The following CNTNAP4 variants were observed in gnomAD, a reference collection of about 807,000 sequenced individuals.
CNTNAP4 encodes the protein contactin-associated protein-like 4.
Under a neutral mutation model 148.4 loss-of-function variants are expected in CNTNAP4, and 98 were observed. That is an observed-to-expected ratio of 0.66 (90% confidence interval 0.56 to 0.78). The LOEUF is 0.78. Ranked by LOEUF, CNTNAP4 falls within the 30% of genes least tolerant of loss-of-function variation. The pLI, the probability that CNTNAP4 is intolerant of heterozygous loss-of-function variation, is 0.00. For synonymous variants in CNTNAP4, 730 were observed against 565.1 expected (o/e 1.29, Z -4.14); for missense variants, 1,935 against 1,565.6 (o/e 1.24, Z -3.98).
chr16:76,313,095 C>G (rs564577026), intron 1 of CNTNAP4, among the ~76,000 whole-genome samples: 1 of 152,220 alleles, frequency 6.6e-6, no homozygotes, highest in Admixed American at 6.5e-5. Context: ...TATTACATGT[C>G]TTTCTCCCCA....
Position 76,545,306 on chromosome 16 carries a change from A to G in CNTNAP4, c.3442+4516A>G, listed in dbSNP as rs192590640. Among the ~76,000 whole-genome samples the G allele has an allele frequency of 3.5e-3, 533 of 152,306 alleles. 3 individuals are homozygous for G. The highest frequency in any genetic ancestry group is 5.4e-3 in the Non-Finnish European group (370 of 68,022). On this transcript the variant is annotated intron_variant, in intron 21 of 23. Transcript: ENST00000611870. Reference sequence around the variant, plus strand: ...AGCCATACTGTATTGAGCTGGCCATACCTAGAAGCTTATTCTCGTAATCAT... The same window carrying G: ...AGCCATACTGTATTGAGCTGGCCATGCCTAGAAGCTTATTCTCGTAATCAT...
At chr16:76,485,378 A>G (rs2081993752) in intron 12 of CNTNAP4, among the ~76,000 whole-genome samples, 1 of 152,172 alleles carries the variant, frequency 6.6e-6, no homozygotes, top group South Asian at 2.1e-4. Context: ...CAGCCTCCCA[A>G]AGTGCTGGGA....
chr16:76,420,243 A>G (rs2079136035), intron 3 of CNTNAP4, among the ~76,000 whole-genome samples: 1 of 151,166 alleles, frequency 6.6e-6, no homozygotes, highest in Non-Finnish European at 1.5e-5. Context: ...TATTCTGTAG[A>G]ATATATATTA....
chr16:76,303,754 T>A (rs1055983736), intron 1 of CNTNAP4, among the ~76,000 whole-genome samples: 2 of 152,180 alleles, frequency 1.3e-5, no homozygotes, highest in Non-Finnish European at 2.9e-5. Flanking sequence ...GCTGAAGAGA[T>A]GTAAAGAAAA....
At chr16:76,485,535 C>T (rs2143730783) in intron 12 of CNTNAP4, among the ~76,000 whole-genome samples, 1 of 152,300 alleles carries the variant, frequency 6.6e-6, no homozygotes, top group South Asian at 2.1e-4. Flanking sequence ...AGAACAGAGA[C>T]TTTCAAGTTT....
chr16:76,425,677 C>G (rs1011729735), intron 3 of CNTNAP4, among the ~76,000 whole-genome samples: 4 of 151,992 alleles, frequency 2.6e-5, no homozygotes, highest in Admixed American at 1.3e-4. Flanking sequence ...CTTAAAAGGA[C>G]AAGAGAGGCA....
chr16:76,395,794 T>A (rs1462607758), intron 3 of CNTNAP4, among the ~76,000 whole-genome samples: 2 of 151,386 alleles, frequency 1.3e-5, no homozygotes, highest in Non-Finnish European at 2.9e-5. Flanking sequence ...GGTGGAGTGA[T>A]CTCAGCTCAC....
intron 3 of CNTNAP4, among the ~76,000 whole-genome samples, chr16:76,409,072 G>T (rs1262911762): frequency 1.3e-5 from 2 of 151,888 alleles, no homozygotes; most frequent in Non-Finnish European, 2.9e-5. Context: ...TGTCCTGGAA[G>T]AATTCAAAGG....
Position 76,521,283 on chromosome 16 carries a change from G to A in CNTNAP4, c.2509G>A (p.Ala837Thr), listed in dbSNP as rs753480070. 1.2e-6 allele frequency: 2 copies of A among 1,611,850 alleles called. No individual in the cohort carries two copies. The highest frequency in any genetic ancestry group is 1.7e-6 in the Non-Finnish European group (2 of 1,179,152). The change falls in exon 16 of 24, where the codon GCT (alanine) becomes ACT (threonine). Residue 837 changes from alanine to threonine, a missense_variant. Physicochemically the swap from Ala to Thr is moderately conservative, Grantham distance 58. Transcript: ENST00000611870. ...SGVFLENLGI[A>T]DFIRIELRSP... Reference sequence around the variant, plus strand: ...GGTATTTTTAGAGAACTTGGGGATTGCTGATTTTATACGGATAGAGCTTCG... The same window carrying A: ...GGTATTTTTAGAGAACTTGGGGATTACTGATTTTATACGGATAGAGCTTCG...
chr16:76,404,671 G>A (rs575113261), intron 3 of CNTNAP4, among the ~76,000 whole-genome samples: 4 of 152,112 alleles, frequency 2.6e-5, no homozygotes, highest in African/African-American at 9.6e-5. Context: ...ACAACTTTGT[G>A]AGCATGCAAT....
chr16:76,442,030 C>T (rs1417471808), intron 4 of CNTNAP4, among the ~76,000 whole-genome samples: 1 of 152,118 alleles, frequency 6.6e-6, no homozygotes, highest in Non-Finnish European at 1.5e-5. Flanking sequence ...TGTTGTGTTA[C>T]CATGGCAAAA....
chr16:76,479,685 A>T, intron 12 of CNTNAP4, 147 bp downstream of exon 12: 1 of 782,972 alleles, frequency 1.3e-6, no homozygotes, highest in Non-Finnish European at 2.0e-6. Flanking sequence ...CATAAATCTT[A>T]AAAAAATAAT....
Position 76,402,474 on chromosome 16 carries a change from A to AT in CNTNAP4, c.391-24978_391-24977insT, listed in dbSNP as rs1382629071. Among the ~76,000 whole-genome samples the AT allele has an allele frequency of 5.9e-4, 89 of 151,104 alleles. 1 individual carries two copies. Among genetic ancestry groups the AT allele is most frequent in the African/African-American group, 2.2e-3 (88 of 40,876 alleles). ...AATCTAGCTAGCAACCTATCTTATC[A>AT]ATTTTTATTATCTTACTAATTAAAA... is the stretch of plus-strand genomic sequence containing the variant. On this transcript the variant is annotated intron_variant, in intron 3 of 23. Transcript: ENST00000611870.
chr16:76,493,266 T>C (rs2082289280), intron 13 of CNTNAP4, among the ~76,000 whole-genome samples: 1 of 152,170 alleles, frequency 6.6e-6, no homozygotes, highest in Non-Finnish European at 1.5e-5. Flanking sequence ...TGATGCCATA[T>C]GTGAATGAAT....
chr16:76,462,022 T>G lies in CNTNAP4; in HGVS notation c.1400T>G (p.Val467Gly). The G allele has an allele frequency of 6.2e-7, 1 of 1,613,616 alleles. No homozygotes were observed. Among genetic ancestry groups the G allele is most frequent in the Non-Finnish European group, 8.5e-7 (1 of 1,179,558 alleles). ...SLSAKKNHLS[V>G]AVDGQMASAA... ...TCTGCTAAAAAGAATCACTTGAGTGTGGCGGTGGACGGCCAGATGGCTTCT... is the reference window on the plus strand; with the variant it reads ...TCTGCTAAAAAGAATCACTTGAGTGGGGCGGTGGACGGCCAGATGGCTTCT... The change falls in exon 9 of 24, where the codon GTG (valine) becomes GGG (glycine). Residue 467 changes from valine to glycine, a missense_variant. Coordinates refer to ENST00000611870, the MANE Select transcript of CNTNAP4 (RefSeq NM_033401.5).
In CNTNAP4 at chr16:76,416,157, C is replaced by T. The variant is rs910940228; in HGVS notation, c.391-11295C>T. Among the ~76,000 whole-genome samples the T allele has an allele frequency of 2.0e-5, 3 of 150,712 alleles. No individual in the cohort carries two copies. In the Admixed American group the frequency reaches 2.0e-4, roughly 10 times the overall value. ...TTTGGGTCTTTTCTTTCCCTTTTTT[C>T]CCCCATAGATAGCAAACTAGAGGTT... On this transcript the variant is annotated intron_variant, in intron 3 of 23. Transcript: ENST00000611870.
rs368484098 is a variant in CNTNAP4, at chr16:76,490,425, A to C, written c.2080+542A>C. Among the ~76,000 whole-genome samples the C allele has an allele frequency of 2.4e-4, 36 of 152,274 alleles. 1 individual carries two copies. The highest frequency in any genetic ancestry group is 8.7e-4 in the African/African-American group (36 of 41,548). ...CTCTTTATTTGATTCTGCTGTGAAT[A>C]ACCAGTCTGCTCCTGAGTTCTGGTT... On this transcript the variant is annotated intron_variant, in intron 13 of 23. Coordinates refer to ENST00000611870, the MANE Select transcript of CNTNAP4 (RefSeq NM_033401.5).
chr16:76,533,492 A>C (rs1233981728), intron 17 of CNTNAP4, among the ~76,000 whole-genome samples: 2 of 152,204 alleles, frequency 1.3e-5, no homozygotes, highest in African/African-American at 4.8e-5. Flanking sequence ...TGTTCCCAAC[A>C]CTAAAAAATG....
intron 2 of CNTNAP4, among the ~76,000 whole-genome samples, chr16:76,320,795 T>C (rs1962326597): frequency 6.6e-6 from 1 of 152,212 alleles, no homozygotes; most frequent in Non-Finnish European, 1.5e-5. Flanking sequence ...CGTAAGTCTT[T>C]ATTTTAATGT....
Sources: gnomAD v4.1 joint callset for allele counts (sites outside exome capture counted in the v4.1 genomes callset) on GRCh38, gnomAD v4.1.1 for gene constraint, MANE v1.5 for transcripts, NCBI Gene and HGNC (gene_info 2026-07-23, HGNC 2026-07-21) for gene names.